Variants in TOPORS observed in about 807,000 individuals in gnomAD.
TOPORS encodes the protein E3 ubiquitin-protein ligase Topors.
In TOPORS, 25 loss-of-function variants were observed where a neutral mutation model predicts 81.4. The ratio of observed to expected loss-of-function variants is 0.31; its 90% CI spans 0.22 to 0.43. TOPORS has a LOEUF of 0.43. Ranked by LOEUF, TOPORS falls within the 20% of genes least tolerant of loss-of-function variation. TOPORS has a pLI of 1.00. For synonymous variants in TOPORS, 473 were observed against 456.6 expected (o/e 1.04, Z -0.46); for missense variants, 1,101 against 1,267.0 (o/e 0.87, Z 1.99).
At position 32,550,702 on chromosome 9, in the gene TOPORS, C is replaced by G. The variant is rs1043537062; in HGVS notation, c.198+72G>C. 11 of 1,578,130 alleles carry G rather than the reference C, an allele frequency of 7.0e-6. No individual in the cohort carries two copies. In the East Asian group the frequency reaches 2.2e-4, roughly 32 times the overall value. ...CCGCAACCCTCGGGTCCCGAGGCGC[C>G]GCTCCAGGCGGGAGCGCCAACTCCC... On this transcript the variant is annotated intron_variant, in intron 2 of 2. Coordinates refer to ENST00000360538, the MANE Select transcript of TOPORS (RefSeq NM_005802.5).
In TOPORS at chr9:32,543,939, T is replaced by C; in HGVS notation, c.586A>G (p.Ser196Gly). 6.2e-7 allele frequency: 1 copy of C among 1,614,096 alleles called. No individual in the cohort carries two copies. The highest frequency in any genetic ancestry group is 8.5e-7 in the Non-Finnish European group (1 of 1,179,974). Residue 196 changes from serine to glycine, a missense_variant, in exon 3 of 3, where the codon AGT (serine) becomes GGT (glycine). Ser to Gly is a moderately conservative substitution (Grantham distance 56, BLOSUM62 0). Transcript: ENST00000360538. This position sits in a 1 kb window ranked among gnomAD's most constrained non-coding sequence, Gnocchi z 5.6. ...GTTGTTCTTCTGTTCACAGGACCAC[T>C]AGGTGAATACACAGAAGCATTTCGT... The part of the protein sequence containing the change: ...RERNASVYSP[S>G]GPVNRRTTTP...
Position 32,543,091 on chromosome 9 carries a change from A to G in TOPORS, c.1434T>C (p.Cys478=), listed in dbSNP as rs920547995. 6.2e-7 allele frequency: 1 copy of G among 1,614,184 alleles called. No homozygotes were observed. The highest frequency in any genetic ancestry group is 8.5e-7 in the Non-Finnish European group (1 of 1,180,034). ...NNDSDDSSDN[C]VIVGFVKPLA... ...GTGGTTTAACAAACCCAACAATGAC[A>G]CAATTATCTGAAGAATCATCACTGT... Residue 478 remains cysteine (C), a synonymous_variant, in exon 3 of 3, where the codon TGT becomes TGC. Coordinates refer to ENST00000360538, the MANE Select transcript of TOPORS (RefSeq NM_005802.5). This position sits in a 1 kb window ranked among gnomAD's most constrained non-coding sequence, Gnocchi z 5.6.
Position 32,542,780 on chromosome 9 carries a change from C to T in TOPORS, c.1745G>A (p.Arg582Lys), listed in dbSNP as rs1821087612. The T allele has an allele frequency of 6.2e-7, 1 of 1,613,950 alleles. No individual in the cohort carries two copies. The highest frequency in any genetic ancestry group is 1.3e-5 in the African/African-American group (1 of 74,916). The change falls in exon 3 of 3, where the codon AGA becomes AAA. Residue 582 changes from arginine to lysine, a missense_variant. This residue lies in a region of TOPORS where 605 missense variants were observed against 636.1 expected (regional missense o/e 0.95). Coordinates refer to ENST00000360538, the MANE Select transcript of TOPORS (RefSeq NM_005802.5). The stretch of plus-strand genomic sequence containing the variant: ...TCTATGGTTATATGGAGAATATACT[C>T]TGTCTCCTCTTACAGATGAGTTCAG... ...RNLNSSVRGDRVYSPYNHRHR... is the reference protein window; with the variant it reads ...RNLNSSVRGDKVYSPYNHRHR...
intron 1 of TOPORS, chr9:32,551,442 A>T (rs1353026836): frequency 1.0e-5 from 3 of 299,620 alleles, no homozygotes; most frequent in Non-Finnish European, 2.0e-5. Context: ...GTATCCTATA[A>T]AGTCTTCAGA....
rs776900627 is a variant in TOPORS, at chr9:32,541,442, G to A, written c.3083C>T (p.Ser1028Leu). 1.9e-5 allele frequency: 31 copies of A among 1,614,034 alleles called. No homozygotes were observed. The highest frequency in any genetic ancestry group is 7.7e-5 in the South Asian group (7 of 91,080). ...TACTGACATTAATGATGTCCGTGGC[G>A]ATGGCAATTGCCTTGATGGCTCAGT... ...LQTEPSRQLP[S>L]PRTSLMSVCL... The change falls in exon 3 of 3, where the codon TCG (serine) becomes TTG (leucine). Residue 1028 changes from serine (S) to leucine (L), a missense_variant. By Grantham distance (145) the Ser-to-Leu change is moderately radical. Coordinates refer to ENST00000360538, the MANE Select transcript of TOPORS (RefSeq NM_005802.5).
Position 32,541,999 on chromosome 9 carries a change from G to A in TOPORS, c.2526C>T (p.Thr842=). 1.9e-6 allele frequency: 3 copies of A among 1,613,876 alleles called. No individual in the cohort carries two copies. The highest frequency in any genetic ancestry group is 2.5e-6 in the Non-Finnish European group (3 of 1,179,998). The change falls in exon 3 of 3, where the codon ACC becomes ACT. Residue 842 remains threonine (T), a synonymous_variant. Coordinates refer to ENST00000360538, the MANE Select transcript of TOPORS (RefSeq NM_005802.5). ...LDGNYKNESD[T]FSDSRSSDRE... is the part of the protein sequence containing the mutation. ...TGTCTGATGATCGGCTGTCTGAAAA[G>A]GTATCACTCTCATTTTTGTAGTTTC...
chr9:32,548,347 A>C (rs1821169777), intron 2 of TOPORS, among the ~76,000 whole-genome samples: 1 of 150,698 alleles, frequency 6.6e-6, no homozygotes, highest in Non-Finnish European at 1.5e-5. Context: ...AACATGGAGA[A>C]ACCCGGTCTC....
Position 32,541,728 on chromosome 9 carries a change from C to A in TOPORS, c.2797G>T (p.Asp933Tyr), listed in dbSNP as rs761851969. ...GCCAAAAACTCATTTTGTAGAGGGT[C>A]TTGAGGACCACTATTGTCACATTCT... is the stretch of plus-strand genomic sequence containing the variant. ...DTECDNSGPQ[D>Y]PLQNEFLAPS... is the part of the protein sequence containing the mutation. The change falls in exon 3 of 3, where the codon GAC becomes TAC. Residue 933 changes from aspartate (D) to tyrosine (Y), a missense_variant. Asp to Tyr is a radical substitution (Grantham distance 160, BLOSUM62 -3). Around this residue, in one of 9 missense-constraint regions of TOPORS, gnomAD observed 605 missense variants for 636.1 expected, o/e 0.95. Coordinates refer to ENST00000360538, the MANE Select transcript of TOPORS (RefSeq NM_005802.5). The A allele has an allele frequency of 1.9e-6, 3 of 1,614,166 alleles. No homozygotes were observed. Among genetic ancestry groups the A allele is most frequent in the Non-Finnish European group, 2.5e-6 (3 of 1,180,030 alleles).
chr9:32,552,062 G>A (rs1366134290), intron 1 of TOPORS, among the ~76,000 whole-genome samples: 1 of 150,186 alleles, frequency 6.7e-6, no homozygotes, highest in East Asian at 2.0e-4. Context: ...TTAAAACGTG[G>A]ATTGTTTTTC....
At position 32,544,172 on chromosome 9, in the gene TOPORS, C is replaced by T. The variant is rs1372209634; in HGVS notation, c.353G>A (p.Arg118His). 6.2e-6 allele frequency: 10 copies of T among 1,613,606 alleles called. No homozygotes were observed. The highest frequency in any genetic ancestry group is 1.1e-5 in the South Asian group (1 of 91,086). The change falls in exon 3 of 3, where the codon CGC becomes CAC. Residue 118 changes from arginine to histidine, a missense_variant. Physicochemically the swap from Arg to His is conservative, Grantham distance 29 (BLOSUM62 0). Coordinates refer to ENST00000360538, the MANE Select transcript of TOPORS (RefSeq NM_005802.5). ...GCGAAAACAGAACTTATGTAAGCAG[C>T]GATCTAAGTAAGACACATTATCAAA... ...DRFDNVSYLD[R>H]CLHKFCFRCV...
chr9:32,543,164 G>A lies in TOPORS; in HGVS notation c.1361C>T (p.Ala454Val), dbSNP rs769459711. 6.2e-7 allele frequency: 1 copy of A among 1,613,894 alleles called. No homozygotes were observed. Among genetic ancestry groups the A allele is most frequent in the Non-Finnish European group, 8.5e-7 (1 of 1,180,012 alleles). The change falls in exon 3 of 3, where the codon GCC becomes GTC. Residue 454 changes from alanine to valine, a missense_variant. By Grantham distance (64) the Ala-to-Val change is moderately conservative. Transcript: ENST00000360538. This position sits in a 1 kb window ranked among gnomAD's most constrained non-coding sequence, Gnocchi z 5.6. ...TTGTACTCCTTGTATCTGAGACGTG[G>A]CTCCTCCTGTGACAAGTTCTTCATC... The part of the protein sequence containing the change: ...SSDEELVTGG[A>V]TSQIQGVQTN...
intron 2 of TOPORS, among the ~76,000 whole-genome samples, chr9:32,545,788 TA>T (rs1409523827): frequency 1.3e-5 from 2 of 152,104 alleles, no homozygotes; most frequent in East Asian, 3.9e-4. Flanking sequence ...AAAAAACTAC[TA>T]GGCCCTTGGT....
At chr9:32,550,533 T>C (rs1346349992) in intron 2 of TOPORS, among the ~76,000 whole-genome samples, 1 of 152,208 alleles carries the variant, frequency 6.6e-6, no homozygotes, top group South Asian at 2.1e-4. Flanking sequence ...CTCTTTCCAG[T>C]ACACGGCCAG....
In TOPORS at chr9:32,543,198, C is replaced by G. The variant is rs201027247; in HGVS notation, c.1327G>C (p.Asp443His). 2 of 1,613,602 alleles carry G rather than the reference C, an allele frequency of 1.2e-6. No individual in the cohort carries two copies. The highest frequency in any genetic ancestry group is 2.7e-5 in the African/African-American group (2 of 74,920). Residue 443 changes from aspartate (D) to histidine (H), a missense_variant, in exon 3 of 3, where the codon GAC (aspartate) becomes CAC (histidine). Physicochemically the swap from Asp to His is moderately conservative, Grantham distance 81. Around this residue, in one of 9 missense-constraint regions of TOPORS, gnomAD observed 103 missense variants for 112.1 expected, o/e 0.92. Transcript: ENST00000360538. The surrounding 1 kb of genome is among the most constrained non-coding windows in gnomAD (Gnocchi z 5.6). ...VTMSSLLNTS[D>H]SSDEELVTGG... ...GTGACAAGTTCTTCATCTGAACTGT[C>G]AGAAGTATTTAAAAGAGAAGACATA...
chr9:32,546,552 C>T (rs1464002746), intron 2 of TOPORS, among the ~76,000 whole-genome samples: 1 of 152,180 alleles, frequency 6.6e-6, no homozygotes, highest in African/African-American at 2.4e-5. Flanking sequence ...CAAGTTAATA[C>T]ATTTTATCTT....
chr9:32,541,477 C>G lies in TOPORS; in HGVS notation c.3048G>C (p.Val1016=), dbSNP rs753418607. The stretch of plus-strand genomic sequence containing the variant: ...GCCTTGATGGCTCAGTTTGAAGAGA[C>G]ACAATGTTACTGGGCTGGTTCTCCA... ...SDLENQPSNI[V]SLQTEPSRQL... is the part of the protein sequence containing the mutation. The change falls in exon 3 of 3, where the codon GTG becomes GTC. Residue 1016 remains valine (V), a synonymous_variant. Transcript: ENST00000360538. 1.2e-6 allele frequency: 2 copies of G among 1,614,228 alleles called. No homozygotes were observed. Among genetic ancestry groups the G allele is most frequent in the East Asian group, 2.2e-5 (1 of 44,892 alleles).
In TOPORS at chr9:32,552,562, A is replaced by C. The variant is rs562453649; in HGVS notation, c.-126T>G. The C allele has an allele frequency of 8.8e-6, 11 of 1,249,686 alleles. No homozygotes were observed. The highest frequency in any genetic ancestry group is 7.4e-5 in the African/African-American group (5 of 67,300). The allele number at this position is 1,249,686 out of a possible 1,614,324, so 77.4% of individuals were successfully genotyped here. On this transcript the variant is annotated 5_prime_UTR_variant, in exon 1 of 3. Coordinates refer to ENST00000360538, the MANE Select transcript of TOPORS (RefSeq NM_005802.5). ...AAGGCCCTATTTCTTCAGCACCCAG[A>C]AACTCCAAAATCCATTCCTGAATTA...
chr9:32,543,689 C>T lies in TOPORS; in HGVS notation c.836G>A (p.Arg279Lys). The change falls in exon 3 of 3, where the codon AGG (arginine) becomes AAG (lysine). Residue 279 changes from arginine to lysine, a missense_variant. This residue lies in a region of TOPORS where 69 missense variants were observed against 153.6 expected (regional missense o/e 0.45). Coordinates refer to ENST00000360538, the MANE Select transcript of TOPORS (RefSeq NM_005802.5). This position sits in a 1 kb window ranked among gnomAD's most constrained non-coding sequence, Gnocchi z 5.6. The part of the protein sequence containing the change: ...VRNIEDGGRY[R>K]DISAEFFRRN... ...ACGGAAAAATTCAGCTGAAATATCC[C>T]TGTAGCGGCCACCATCTTCAATATT... The T allele has an allele frequency of 1.2e-6, 2 of 1,613,084 alleles. No individual in the cohort carries two copies. The highest frequency in any genetic ancestry group is 8.5e-7 in the Non-Finnish European group (1 of 1,179,754).
At chr9:32,552,324 C>T (rs750202804) in intron 1 of TOPORS, 110 bp downstream of exon 1, 1 of 1,493,826 alleles carries the variant, frequency 6.7e-7, no homozygotes, top group African/African-American at 1.4e-5. Context: ...TGGGCGGGCG[C>T]TCGTGCCCGG....
Sources: gnomAD v4.1 joint callset for allele counts (sites outside exome capture counted in the v4.1 genomes callset) on GRCh38, gnomAD v4.1.1 for gene constraint, gnomAD v4.1.1 regional missense constraint, Gnocchi (gnomAD v3.1) non-coding constraint, MANE v1.5 for transcripts, NCBI Gene and HGNC (gene_info 2026-07-23, HGNC 2026-07-21) for gene names.